Variants in RAB3C observed in about 807,000 individuals in gnomAD.
RAB3C encodes the protein RAB3C, member RAS oncogene family, also known as ras-related protein Rab-3C.
In RAB3C, 17 loss-of-function variants were observed where a neutral mutation model predicts 26.4. That is an observed-to-expected ratio of 0.64 (90% CI 0.44 to 0.97). The LOEUF (loss-of-function observed/expected upper bound fraction) is 0.97, where lower values mean the gene tolerates loss of function less well. Among genes scored for constraint, RAB3C ranks in the 50% least tolerant of loss-of-function variants. RAB3C has a pLI of 0.00. For synonymous variants in RAB3C, 91 were observed against 95.9 expected, an observed-to-expected ratio of 0.95 and a Z score of 0.30; for missense variants, 242 against 281.9, an observed-to-expected ratio of 0.86 and a Z score of 1.01.
intron 2 of RAB3C, among the ~76,000 whole-genome samples, chr5:58,690,453 C>T (rs1561290370): frequency 6.6e-6 from 1 of 152,126 alleles, no homozygotes. Flanking sequence ...AAAATGGCTT[C>T]TGTACTCACA....
intron 3 of RAB3C, among the ~76,000 whole-genome samples, chr5:58,789,617 T>C (rs1742474153): frequency 6.6e-6 from 1 of 152,070 alleles, no homozygotes; most frequent in Non-Finnish European, 1.5e-5. Context: ...AGTTAATGAG[T>C]GGAGGAGACA....
chr5:58,781,605 A>G (rs1160202251), intron 3 of RAB3C, among the ~76,000 whole-genome samples: 1 of 152,054 alleles, frequency 6.6e-6, no homozygotes, highest in African/African-American at 2.4e-5. Flanking sequence ...CTCTATGTTA[A>G]TCTTCTTAGA....
chr5:58,752,289 T>C (rs997736269), intron 3 of RAB3C, among the ~76,000 whole-genome samples: 3 of 152,152 alleles, frequency 2.0e-5, no homozygotes, highest in African/African-American at 7.2e-5. Flanking sequence ...TGCAATTCAG[T>C]GCTTGGAAAA....
At chr5:58,594,833 T>C (rs1390595269) in intron 1 of RAB3C, among the ~76,000 whole-genome samples, 1 of 150,088 alleles carries the variant, frequency 6.7e-6, no homozygotes, top group African/African-American at 2.4e-5. Flanking sequence ...AACAAATGTA[T>C]TAATATTAAC....
At chr5:58,777,371 G>A (rs1455163636) in intron 3 of RAB3C, among the ~76,000 whole-genome samples, 3 of 152,070 alleles carry the variant, frequency 2.0e-5, no homozygotes, top group Admixed American at 2.0e-4. Context: ...GGTGTTCTGT[G>A]TTCTAGAACG....
intron 2 of RAB3C, among the ~76,000 whole-genome samples, chr5:58,631,328 GGCA>G (rs1656781311): frequency 6.6e-6 from 1 of 152,060 alleles, no homozygotes; most frequent in Non-Finnish European, 1.5e-5. Flanking sequence ...TGGGTTTTCT[GGCA>G]AAATTCTGAA....
chr5:58,821,318 G>A (rs907837772), intron 3 of RAB3C, among the ~76,000 whole-genome samples: 1 of 152,100 alleles, frequency 6.6e-6, no homozygotes, highest in African/African-American at 2.4e-5. Context: ...CAAGCCCCTG[G>A]CTTACAAGAC....
chr5:58,620,484 T>TATGGATAATTATGATACATAATTA (rs1746912585), intron 2 of RAB3C, among the ~76,000 whole-genome samples: 2 of 152,224 alleles, frequency 1.3e-5, no homozygotes, highest in African/African-American at 4.8e-5. Flanking sequence ...TTAACACTCG[T>TATGGATAATTATGATACATAATTA]TGGATAATTA....
At position 58,851,945 on chromosome 5, in the gene RAB3C, A is replaced by G. The variant is rs1300458698; in HGVS notation, c.*594A>G. 1 of 152,178 alleles carries G rather than the reference A, an allele frequency of 6.6e-6. No individual in the cohort carries two copies. Among genetic ancestry groups the G allele is most frequent in the Non-Finnish European group, 1.5e-5 (1 of 68,028 alleles). The allele number at this position is 152,178 out of a possible 1,614,324, so 9.4% of individuals were successfully genotyped here. A position where few individuals can be genotyped will look rare whatever the true frequency, so the allele number is the denominator to read the frequency against. ...TATTAATAACTGAGATCATTGGCCT[A>G]TAAAGAAATTGAAATGTTGTTTTTA... On this transcript the variant is annotated 3_prime_UTR_variant, in exon 5 of 5. Transcript: ENST00000282878.
intron 3 of RAB3C, among the ~76,000 whole-genome samples, chr5:58,731,640 G>A (rs1416114192): frequency 6.6e-6 from 1 of 152,114 alleles, no homozygotes; most frequent in Non-Finnish European, 1.5e-5. Context: ...TCTCTACTTG[G>A]TAGCAAGTAT....
chr5:58,823,125 A>G, intron 3 of RAB3C: 1 of 420,294 alleles, frequency 2.4e-6, no homozygotes, highest in Non-Finnish European at 4.6e-6. Context: ...AATGATGCAG[A>G]TTACATGCAT....
chr5:58,655,703 C>T (rs1301196888), intron 2 of RAB3C, among the ~76,000 whole-genome samples: 1 of 150,878 alleles, frequency 6.6e-6, no homozygotes, highest in Non-Finnish European at 1.5e-5. Context: ...TGAGATCAAG[C>T]ATATTTGCCA....
chr5:58,760,053 C>G (rs976673278), intron 3 of RAB3C, among the ~76,000 whole-genome samples: 8 of 152,150 alleles, frequency 5.3e-5, no homozygotes, highest in African/African-American at 1.9e-4. Flanking sequence ...AGATAAGAAA[C>G]CTTACCCAAT....
intron 3 of RAB3C, among the ~76,000 whole-genome samples, chr5:58,811,105 C>A (rs571473794): frequency 6.6e-6 from 1 of 152,290 alleles, no homozygotes; most frequent in South Asian, 2.1e-4. Context: ...AGTATACTAG[C>A]AAAACTGCTA....
chr5:58,604,898 C>T (rs142110495), intron 1 of RAB3C, among the ~76,000 whole-genome samples: 106 of 152,222 alleles, frequency 7.0e-4, no homozygotes, highest in Admixed American at 2.8e-3. Context: ...GAGTTTTAAC[C>T]GCTGCTCCTC....
At chr5:58,793,554 C>T (rs1579921454) in intron 3 of RAB3C, among the ~76,000 whole-genome samples, 1 of 147,464 alleles carries the variant, frequency 6.8e-6, no homozygotes. Context: ...AAAAAAATTC[C>T]TAAGTGTTAC....
At chr5:58,820,108 CAT>C (rs1430087612) in intron 3 of RAB3C, among the ~76,000 whole-genome samples, 1 of 151,506 alleles carries the variant, frequency 6.6e-6, no homozygotes, top group Non-Finnish European at 1.5e-5. Context: ...CATCATTTTA[CAT>C]TTTCTTGCAA....
At chr5:58,582,929 T>A, upstream of RAB3C, 1 of 710,654 alleles carries the variant, frequency 1.4e-6, no homozygotes, top group South Asian at 2.5e-5. Flanking sequence ...GGATCGAGCC[T>A]GTTTAATGGT....
chr5:58,745,896 G>A (rs554113946), intron 3 of RAB3C, among the ~76,000 whole-genome samples: 1 of 152,074 alleles, frequency 6.6e-6, no homozygotes, highest in Admixed American at 6.5e-5. Context: ...TTATACTTAG[G>A]CACTTAATTA....
Sources: gnomAD v4.1 joint callset for allele counts (sites outside exome capture counted in the v4.1 genomes callset) on GRCh38, gnomAD v4.1.1 for gene constraint, MANE v1.5 for transcripts, NCBI Gene and HGNC (gene_info 2026-07-23, HGNC 2026-07-21) for gene names.